Variants in EML6 observed in about 807,000 individuals in gnomAD.
EML6 encodes the protein echinoderm microtubule-associated protein-like 6.
In EML6, 154 loss-of-function variants were observed where a neutral mutation model predicts 240.1. That is an observed-to-expected ratio of 0.64 (90% CI 0.56 to 0.73). The LOEUF is 0.73. EML6 is among the 30% of genes least tolerant of loss of function. EML6 has a pLI of 0.00. For synonymous variants in EML6, 1,148 were observed against 899.0 expected (o/e 1.28, Z -4.95); for missense variants, 2,964 against 2,474.6 (o/e 1.20, Z -4.20).
chr2:54,730,836 A>C (rs563992369), intron 2 of EML6, among the ~76,000 whole-genome samples: 3 of 152,196 alleles, frequency 2.0e-5, no homozygotes, highest in Non-Finnish European at 4.4e-5. Flanking sequence ...CTCATTTTAC[A>C]TCTATAATGT....
chr2:54,847,744 A>AGAT, intron 9 of EML6, 121 bp downstream of exon 9: 1 of 866,618 alleles, frequency 1.2e-6, no homozygotes, highest in Non-Finnish European at 1.6e-6. Flanking sequence ...AAATAGGAAT[A>AGAT]CTATAGATCT....
intron 41 of EML6, among the ~76,000 whole-genome samples, 184 bp from the exon 42 acceptor site, chr2:54,969,887 G>C (rs374918357): frequency 1.3e-5 from 2 of 152,254 alleles, no homozygotes; most frequent in African/African-American, 4.8e-5. Flanking sequence ...GAAAAAAACA[G>C]ACCTTTTAAG....
intron 11 of EML6, among the ~76,000 whole-genome samples, chr2:54,857,624 C>T (rs1670455609): frequency 6.6e-6 from 1 of 152,152 alleles, no homozygotes; most frequent in Admixed American, 6.5e-5. Context: ...GCAGAGAATG[C>T]TGGAATTGGG....
At chr2:54,755,959 T>G (rs979846928) in intron 2 of EML6, among the ~76,000 whole-genome samples, 1 of 152,132 alleles carries the variant, frequency 6.6e-6, no homozygotes, top group African/African-American at 2.4e-5. Flanking sequence ...TGGTTAGGAA[T>G]CGGCAAATAC....
At position 54,879,633 on chromosome 2, in the gene EML6, A is replaced by G. The variant is rs1032213459; in HGVS notation, c.2431A>G (p.Thr811Ala). The change falls in exon 17 of 42, where the codon ACA becomes GCA. Residue 811 changes from threonine to alanine, a missense_variant. Coordinates refer to ENST00000356458, the MANE Select transcript of EML6 (RefSeq NM_001039753.4). Reference protein sequence around the residue: ...WDWKKGEKIATTRGHKDKIFV... With the variant: ...WDWKKGEKIAATRGHKDKIFV... ...CTGGAAAAAGGGAGAAAAGATAGCCACAACAAGGTAAGAAGCTGCCGGGAT... is the reference window on the plus strand; with the variant it reads ...CTGGAAAAAGGGAGAAAAGATAGCCGCAACAAGGTAAGAAGCTGCCGGGAT... 9 of 1,547,028 alleles carry G rather than the reference A, an allele frequency of 5.8e-6. No individual in the cohort carries two copies. The Admixed American group carries it at 1.4e-4, about 24-fold the overall frequency.
chr2:54,852,308 T>A (rs1670134210), intron 10 of EML6, among the ~76,000 whole-genome samples: 1 of 152,256 alleles, frequency 6.6e-6, no homozygotes. Context: ...AATAAGACTC[T>A]GCCTTATCAA....
intron 2 of EML6, among the ~76,000 whole-genome samples, chr2:54,746,283 G>A (rs181208508): frequency 6.6e-6 from 1 of 152,260 alleles, no homozygotes; most frequent in East Asian, 1.9e-4. Context: ...GTTTCAGTAG[G>A]GAATACTGAA....
chr2:54,828,595 G>T (rs1444804963), intron 6 of EML6, among the ~76,000 whole-genome samples: 1 of 152,180 alleles, frequency 6.6e-6, no homozygotes, highest in Non-Finnish European at 1.5e-5. Flanking sequence ...ACTATATGTT[G>T]CAGGTGAATT....
At chr2:54,964,814 A>C (rs775636547) in intron 38 of EML6, 81 bp downstream of exon 38, 10 of 1,336,404 alleles carry the variant, frequency 7.5e-6, no homozygotes, top group Non-Finnish European at 1.0e-5. Flanking sequence ...TCGAGTCCTT[A>C]CTGTGTACCA....
intron 17 of EML6, among the ~76,000 whole-genome samples, chr2:54,885,308 A>G (rs1001428831): frequency 4.0e-5 from 6 of 151,692 alleles, no homozygotes; most frequent in African/African-American, 9.7e-5. Context: ...TTAGCCAGGC[A>G]TGGTGGCACA....
At chr2:54,944,273 C>T (rs1167649570) in intron 28 of EML6, among the ~76,000 whole-genome samples, 1 of 152,138 alleles carries the variant, frequency 6.6e-6, no homozygotes, top group Non-Finnish European at 1.5e-5. Context: ...CATCTTCCCT[C>T]ATTGATATTT....
At chr2:54,749,447 C>T (rs1333605227) in intron 2 of EML6, among the ~76,000 whole-genome samples, 1 of 152,050 alleles carries the variant, frequency 6.6e-6, no homozygotes, top group African/African-American at 2.4e-5. Flanking sequence ...ATTTATCATA[C>T]TGTCTTTTCT....
chr2:54,877,042 G>A, intron 16 of EML6, among the ~76,000 whole-genome samples: 1 of 151,772 alleles, frequency 6.6e-6, no homozygotes, highest in Non-Finnish European at 1.5e-5. Context: ...GAGTGCAGTG[G>A]CATGATCATG....
Position 54,951,307 on chromosome 2 carries a change from C to T in EML6, c.4213+528C>T, listed in dbSNP as rs569267981. Among the ~76,000 whole-genome samples, 11 of 152,092 alleles carry T rather than the reference C, an allele frequency of 7.2e-5. No homozygotes were observed. The South Asian group carries it at 1.9e-3, about 26-fold the overall frequency. On this transcript the variant is annotated intron_variant, in intron 30 of 41. Coordinates refer to ENST00000356458, the MANE Select transcript of EML6 (RefSeq NM_001039753.4). ...CAGCACTTTGAGAGGCTGAGGTGGG[C>T]GGATCACCTGAGGTCAGGAGTTCGA...
intron 16 of EML6, among the ~76,000 whole-genome samples, chr2:54,876,753 T>G: frequency 6.6e-6 from 1 of 152,180 alleles, no homozygotes. Flanking sequence ...AATGTGACAT[T>G]TCAGTACATG....
At chr2:54,814,821 A>G (rs562027964) in intron 3 of EML6, among the ~76,000 whole-genome samples, 3 of 152,222 alleles carry the variant, frequency 2.0e-5, no homozygotes, top group African/African-American at 7.2e-5. Context: ...ACATATGTAG[A>G]CCCCTGGAAT....
chr2:54,878,383 G>C (rs186789139), intron 16 of EML6, among the ~76,000 whole-genome samples: 37 of 152,288 alleles, frequency 2.4e-4, no homozygotes, highest in Admixed American at 2.1e-3. Context: ...GGATGAGCTT[G>C]ATCACTCGTC....
rs576273534 is a variant in EML6, at chr2:54,836,174, G to A, written c.847+6697G>A. On this transcript the variant is annotated intron_variant, in intron 7 of 41. Coordinates refer to ENST00000356458, the MANE Select transcript of EML6 (RefSeq NM_001039753.4). Reference sequence around the variant, plus strand: ...CAGGAGATGTGGTGTCACTGTGTGCGCAAGTTCCGTGTGTGACATGGTGTC... The same window carrying A: ...CAGGAGATGTGGTGTCACTGTGTGCACAAGTTCCGTGTGTGACATGGTGTC... 1.2e-3 allele frequency among the ~76,000 whole-genome samples: 188 copies of A among 152,288 alleles called. 2 individuals carry two copies. Among genetic ancestry groups the A allele is most frequent in the African/African-American group, 4.3e-3 (180 of 41,558 alleles).
In EML6 at chr2:54,960,347, A is replaced by C; in HGVS notation, c.4968+13A>C. 6.5e-7 allele frequency: 1 copy of C among 1,541,046 alleles called. No individual in the cohort carries two copies. The highest frequency in any genetic ancestry group is 8.8e-7 in the Non-Finnish European group (1 of 1,140,152). On this transcript the variant is annotated intron_variant, in intron 35 of 41. Transcript: ENST00000356458. ...GTGCCGTGGAAAAGTGAGCACAGCC[A>C]GCTCCCCTGGGGGCTGGGCCAGGGA...
Sources: gnomAD v4.1 joint callset for allele counts (sites outside exome capture counted in the v4.1 genomes callset) on GRCh38, gnomAD v4.1.1 for gene constraint, MANE v1.5 for transcripts, NCBI Gene and HGNC (gene_info 2026-07-23, HGNC 2026-07-21) for gene names.